The following TMEFF2 variants were observed in gnomAD, a reference collection of about 807,000 sequenced individuals.
TMEFF2 encodes the protein tomoregulin-2.
TMEFF2 carries 28 observed loss-of-function variants against 53.8 expected under a neutral mutation model. That is an observed-to-expected ratio of 0.52 (90% CI 0.39 to 0.71). The LOEUF is 0.71. Among genes scored for constraint, TMEFF2 ranks in the 30% least tolerant of loss-of-function variants. The pLI is 0.00. For missense variants in TMEFF2, 353 were observed against 455.2 expected (o/e 0.78, Z 2.04); for synonymous variants, 162 against 166.3 (o/e 0.97, Z 0.20).
intron 2 of TMEFF2, among the ~76,000 whole-genome samples, chr2:192,187,972 C>A (rs1356027347): frequency 6.6e-6 from 1 of 152,146 alleles, no homozygotes; most frequent in Non-Finnish European, 1.5e-5. Context: ...ATTGCCAGCA[C>A]CTTCCACAGA....
chr2:192,178,768 A>G (rs189666473), intron 4 of TMEFF2: 85 of 151,408 alleles, frequency 5.6e-4, no homozygotes, highest in African/African-American at 1.9e-3. Context: ...CAAATTCTGT[A>G]TTTAAAAACT....
At chr2:192,065,292 G>A (rs750979413) in intron 4 of TMEFF2, among the ~76,000 whole-genome samples, 2 of 151,562 alleles carry the variant, frequency 1.3e-5, no homozygotes, top group African/African-American at 2.4e-5. Flanking sequence ...CATGTAAGAC[G>A]TCCCATTTAA....
intron 7 of TMEFF2, among the ~76,000 whole-genome samples, chr2:191,959,729 C>G (rs1196361432): frequency 6.6e-6 from 1 of 152,070 alleles, no homozygotes; most frequent in Non-Finnish European, 1.5e-5. Flanking sequence ...CATTATGGAT[C>G]AAAGCAGAAA....
intron 5 of TMEFF2, among the ~76,000 whole-genome samples, chr2:192,020,568 T>C (rs989930658): frequency 1.3e-5 from 2 of 152,094 alleles, no homozygotes; most frequent in Non-Finnish European, 2.9e-5. Flanking sequence ...CTTATATCAT[T>C]TGAGCTCATG....
At chr2:192,053,156 A>G (rs1407651316) in intron 5 of TMEFF2, among the ~76,000 whole-genome samples, 1 of 152,200 alleles carries the variant, frequency 6.6e-6, no homozygotes, top group Non-Finnish European at 1.5e-5. Context: ...AAGCATTAAA[A>G]TGTTATGTCA....
At chr2:192,148,499 T>G (rs1690306943) in intron 4 of TMEFF2, among the ~76,000 whole-genome samples, 1 of 152,000 alleles carries the variant, frequency 6.6e-6, no homozygotes, top group Non-Finnish European at 1.5e-5. Context: ...GAAGAACATC[T>G]CTGGAGTACT....
intron 4 of TMEFF2, among the ~76,000 whole-genome samples, chr2:192,167,807 TC>T (rs747824579): frequency 6.6e-6 from 1 of 152,142 alleles, no homozygotes; most frequent in Non-Finnish European, 1.5e-5. Flanking sequence ...TTATGGCATT[TC>T]CTATGCCCAC....
chr2:192,063,389 T>C (rs1047372887), intron 4 of TMEFF2, among the ~76,000 whole-genome samples: 1 of 151,940 alleles, frequency 6.6e-6, no homozygotes, highest in Non-Finnish European at 1.5e-5. Context: ...TTAAATTTAA[T>C]AGTTTAATTT....
At chr2:192,160,272 A>G (rs999343618) in intron 4 of TMEFF2, among the ~76,000 whole-genome samples, 1 of 152,164 alleles carries the variant, frequency 6.6e-6, no homozygotes, top group African/African-American at 2.4e-5. Context: ...AATACTGTGT[A>G]TCAACATTTG....
intron 7 of TMEFF2, among the ~76,000 whole-genome samples, chr2:191,996,784 T>C (rs1474884973): frequency 6.6e-6 from 1 of 151,900 alleles, no homozygotes; most frequent in Non-Finnish European, 1.5e-5. Context: ...TATTTGTGAA[T>C]GAAATGATAA....
chr2:192,038,726 C>T (rs554392370), intron 5 of TMEFF2, among the ~76,000 whole-genome samples: 2 of 152,212 alleles, frequency 1.3e-5, no homozygotes, highest in Admixed American at 1.3e-4. Context: ...ACTGAGCAAT[C>T]TACCTGCCTC....
chr2:192,080,696 T>C (rs1384152386), intron 4 of TMEFF2, among the ~76,000 whole-genome samples: 3 of 152,184 alleles, frequency 2.0e-5, no homozygotes, highest in Non-Finnish European at 4.4e-5. Context: ...ATTTCCTTGT[T>C]TGACTACAAT....
intron 4 of TMEFF2, among the ~76,000 whole-genome samples, chr2:192,079,333 C>T (rs540351549): frequency 3.3e-5 from 5 of 152,296 alleles, no homozygotes; most frequent in East Asian, 1.9e-4. Flanking sequence ...TCATAGTTTT[C>T]GGACCTGCAG....
At chr2:191,990,703 T>G (rs1164348823) in intron 7 of TMEFF2, among the ~76,000 whole-genome samples, 2 of 150,816 alleles carry the variant, frequency 1.3e-5, no homozygotes, top group African/African-American at 2.4e-5. Flanking sequence ...CCATGCTAAA[T>G]AGACCTGTCT....
chr2:192,152,365 C>T (rs570971084), intron 4 of TMEFF2, among the ~76,000 whole-genome samples: 1 of 151,940 alleles, frequency 6.6e-6, no homozygotes, highest in African/African-American at 2.4e-5. Flanking sequence ...GTTTCATAGG[C>T]ACTAAAATTA....
intron 1 of TMEFF2, among the ~76,000 whole-genome samples, chr2:192,192,284 CT>C (rs1443975950): frequency 6.9e-6 from 1 of 145,924 alleles, no homozygotes; most frequent in African/African-American, 2.5e-5. Flanking sequence ...TTAACATTTG[CT>C]TCCTGTTTTT....
intron 5 of TMEFF2, 68 bp downstream of exon 5, chr2:192,057,611 T>A: frequency 1.5e-6 from 2 of 1,290,734 alleles, no homozygotes; most frequent in South Asian, 1.2e-5. Context: ...TGCAGAATGG[T>A]TGATGGTGTT....
At chr2:192,097,568 T>C (rs1688942537) in intron 4 of TMEFF2, among the ~76,000 whole-genome samples, 1 of 152,216 alleles carries the variant, frequency 6.6e-6, no homozygotes, top group African/African-American at 2.4e-5. Context: ...TGACTGCTCA[T>C]TTTTAATCTT....
intron 4 of TMEFF2, among the ~76,000 whole-genome samples, chr2:192,078,350 A>G: frequency 6.6e-6 from 1 of 152,176 alleles, no homozygotes; most frequent in East Asian, 1.9e-4. Flanking sequence ...TAAATAGTAG[A>G]AATTATTCTT....
Sources: gnomAD v4.1 joint callset for allele counts (sites outside exome capture counted in the v4.1 genomes callset) on GRCh38, gnomAD v4.1.1 for gene constraint, MANE v1.5 for transcripts, NCBI Gene and HGNC (gene_info 2026-07-23, HGNC 2026-07-21) for gene names.